Variants in PCTP observed in about 807,000 individuals in gnomAD.
The protein encoded by PCTP is phosphatidylcholine transfer protein.
PCTP carries 27 observed loss-of-function variants against 31.0 expected under a neutral mutation model. The ratio of observed to expected loss-of-function variants is 0.87; its 90% CI spans 0.64 to 1.20. The LOEUF (loss-of-function observed/expected upper bound fraction) is 1.20. PCTP is among the 50% of genes most tolerant of loss of function. The probability of loss-of-function intolerance (pLI) is 0.00; values close to 1 mark genes in which losing one functional copy is unlikely to be tolerated. For synonymous variants in PCTP, 108 were observed against 101.2 expected (o/e 1.07, Z -0.40); for missense variants, 287 against 268.2 (o/e 1.07, Z -0.49).
chr17:55,799,385 CT>C (rs1912295122), intron 3 of PCTP, among the ~76,000 whole-genome samples: 1 of 144,836 alleles, frequency 6.9e-6, no homozygotes, highest in Non-Finnish European at 1.5e-5. Flanking sequence ...GCTTTTTTTT[CT>C]TTTTCTTTCT....
chr17:55,782,311 C>T (rs1305829883), downstream of PCTP, among the ~76,000 whole-genome samples: 1 of 152,142 alleles, frequency 6.6e-6, no homozygotes, highest in African/African-American at 2.4e-5. Flanking sequence ...TAATGTTTTA[C>T]CAAATATCTG....
chr17:55,805,141 T>A (rs1912534111), intron 3 of PCTP, among the ~76,000 whole-genome samples: 1 of 152,188 alleles, frequency 6.6e-6, no homozygotes, highest in Non-Finnish European at 1.5e-5. Flanking sequence ...GGGGATGGGT[T>A]GTTTTACATC....
At chr17:55,777,879 G>A (rs1911420308), downstream of PCTP, among the ~76,000 whole-genome samples, 1 of 151,646 alleles carries the variant, frequency 6.6e-6, no homozygotes, top group Non-Finnish European at 1.5e-5. Flanking sequence ...AATACTTCCT[G>A]TTAATAGAAG....
chr17:55,782,848 G>A (rs1287661960), intron 2 of PCTP, among the ~76,000 whole-genome samples: 1 of 152,098 alleles, frequency 6.6e-6, no homozygotes, highest in Non-Finnish European at 1.5e-5. Flanking sequence ...TACCTTGTCT[G>A]CATAGCATGT....
At chr17:55,788,400 T>C (rs1260709754) in intron 3 of PCTP, among the ~76,000 whole-genome samples, 1 of 152,196 alleles carries the variant, frequency 6.6e-6, no homozygotes, top group East Asian at 1.9e-4. Flanking sequence ...GACCATATTA[T>C]TGGCTTCTTT....
At chr17:55,811,207 T>A (rs1355751453) in intron 3 of PCTP, among the ~76,000 whole-genome samples, 1 of 152,210 alleles carries the variant, frequency 6.6e-6, no homozygotes, top group South Asian at 2.1e-4. Context: ...ACATACAAAG[T>A]CTTTCCTCCA....
intron 2 of PCTP, among the ~76,000 whole-genome samples, chr17:55,782,625 A>C (rs1911603021): frequency 6.6e-6 from 1 of 152,166 alleles, no homozygotes; most frequent in Non-Finnish European, 1.5e-5. Context: ...ATGCTTCCAC[A>C]TTCCCCCTCA....
chr17:55,779,829 G>A (rs908922641), downstream of PCTP, among the ~76,000 whole-genome samples: 2 of 152,142 alleles, frequency 1.3e-5, no homozygotes, highest in African/African-American at 4.8e-5. Flanking sequence ...AGTTTCCAAA[G>A]TGGAACATCA....
the PCTP span, among the ~76,000 whole-genome samples, chr17:55,849,993 A>G: frequency 1.3e-5 from 2 of 152,142 alleles, no homozygotes; most frequent in African/African-American, 4.8e-5. Flanking sequence ...GTTTATATAT[A>G]AACAGTTTAA....
intron 3 of PCTP, among the ~76,000 whole-genome samples, chr17:55,789,736 T>A (rs1911886497): frequency 6.6e-6 from 1 of 152,198 alleles, no homozygotes. Context: ...AAGGAGGAAC[T>A]GGTACCATTC....
downstream of PCTP, among the ~76,000 whole-genome samples, chr17:55,847,715 C>T (rs990140056): frequency 6.6e-6 from 1 of 152,140 alleles, no homozygotes; most frequent in African/African-American, 2.4e-5. Context: ...AGTCCAAAGA[C>T]TAATGTCTCT....
intron 1 of PCTP, among the ~76,000 whole-genome samples, chr17:55,751,740 G>A (rs1909729499): frequency 1.3e-5 from 2 of 152,142 alleles, no homozygotes; most frequent in Non-Finnish European, 2.9e-5. Context: ...TTAGTGACTC[G>A]TTTCTTTTGG....
intron 3 of PCTP, among the ~76,000 whole-genome samples, chr17:55,794,597 T>C (rs1294989509): frequency 1.3e-5 from 2 of 152,038 alleles, no homozygotes; most frequent in Admixed American, 1.3e-4. Context: ...ATTTAAATTA[T>C]AAAAGAAGCT....
At chr17:55,753,638 C>T (rs1056333663) in intron 1 of PCTP, among the ~76,000 whole-genome samples, 3 of 152,192 alleles carry the variant, frequency 2.0e-5, no homozygotes, top group Non-Finnish European at 2.9e-5. Flanking sequence ...CAAATGCTGC[C>T]TGGTGGGTAC....
rs1187963199 is a variant in PCTP at position 55,776,282 on chromosome 17, T to TA, written c.*184dup. Reference sequence around the variant, plus strand: ...GGCCTACACACTACCACATCCTTTCTAAGCATGTTTGCCTGACATCCAGCT... The same window carrying TA: ...GGCCTACACACTACCACATCCTTTCTAAAGCATGTTTGCCTGACATCCAGCT... On this transcript the variant is annotated 3_prime_UTR_variant, in exon 6 of 6. Transcript: ENST00000268896. 7.3e-7 allele frequency: 1 copy of TA among 1,371,232 alleles called. No homozygotes were observed. Among genetic ancestry groups the TA allele is most frequent in the African/African-American group, 1.5e-5 (1 of 67,786 alleles). 84.9% of individuals were successfully genotyped at this position (1,371,232 alleles called of 1,614,324 possible). A position where few individuals can be genotyped will look rare whatever the true frequency, so the allele number is the denominator to read the frequency against.
At chr17:55,781,013 T>TAAAA (rs35519775), downstream of PCTP, among the ~76,000 whole-genome samples, 7 of 131,044 alleles carry the variant, frequency 5.3e-5, no homozygotes, top group African/African-American at 1.7e-4. Flanking sequence ...CCACAGCATG[T>TAAAA]AAAAAAAAAA....
chr17:55,778,409 G>T (rs886471653), downstream of PCTP, among the ~76,000 whole-genome samples: 1 of 152,062 alleles, frequency 6.6e-6, no homozygotes, highest in Non-Finnish European at 1.5e-5. Flanking sequence ...AGCATTTGTG[G>T]ATAGAAGCAG....
At chr17:55,812,734 C>G (rs966035114) in intron 3 of PCTP, among the ~76,000 whole-genome samples, 26 of 152,226 alleles carry the variant, frequency 1.7e-4, no homozygotes, top group African/African-American at 6.3e-4. Flanking sequence ...GGCTTGGAGC[C>G]AGGATGTCCA....
the PCTP span, among the ~76,000 whole-genome samples, chr17:55,849,112 T>C: frequency 6.6e-6 from 1 of 152,102 alleles, no homozygotes; most frequent in Non-Finnish European, 1.5e-5. Flanking sequence ...AGTTACATAT[T>C]ATTATAATAA....
Sources: gnomAD v4.1 joint callset for allele counts (sites outside exome capture counted in the v4.1 genomes callset) on GRCh38, gnomAD v4.1.1 for gene constraint, MANE v1.5 for transcripts, NCBI Gene and HGNC (gene_info 2026-07-23, HGNC 2026-07-21) for gene names.